RCN1: variants seen among roughly 807,000 people sequenced by gnomAD.
RCN1 encodes reticulocalbin 1, also known as reticulocalbin-1.
RCN1 carries 14 observed loss-of-function variants against 34.7 expected under a neutral mutation model. That is an observed-to-expected ratio of 0.40 (90% CI 0.27 to 0.63). RCN1 has a LOEUF of 0.63. Ranked by LOEUF, RCN1 falls within the 30% of genes least tolerant of loss-of-function variation. The pLI is 0.37. For missense variants in RCN1, 326 were observed against 425.1 expected, an observed-to-expected ratio of 0.77 and a Z score of 2.05; for synonymous variants, 125 against 165.5, an observed-to-expected ratio of 0.76 and a Z score of 1.88.
intron 1 of RCN1, among the ~76,000 whole-genome samples, chr11:32,094,966 G>A (rs1851956175): frequency 6.6e-6 from 1 of 152,194 alleles, no homozygotes; most frequent in African/African-American, 2.4e-5. Flanking sequence ...CCTAATATTT[G>A]TCAGGCTGAG....
chr11:32,092,631 C>A (rs528298399), intron 1 of RCN1, among the ~76,000 whole-genome samples: 1 of 152,284 alleles, frequency 6.6e-6, no homozygotes, highest in Non-Finnish European at 1.5e-5. Flanking sequence ...TGAGGAAACA[C>A]TTGGGCACTG....
intron 5 of RCN1, 149 bp from the exon 6 acceptor site, chr11:32,104,216 C>G (rs1220907346): frequency 3.5e-6 from 2 of 578,372 alleles, no homozygotes; most frequent in Non-Finnish European, 6.1e-6. Context: ...GCAATGCAGT[C>G]ATGGTAGATG....
chr11:32,101,636 T>C (rs1382242869), intron 4 of RCN1, among the ~76,000 whole-genome samples: 1 of 152,204 alleles, frequency 6.6e-6, no homozygotes, highest in Non-Finnish European at 1.5e-5. Flanking sequence ...AGCCAAACAC[T>C]GTTCCTTGTG....
chr11:32,096,357 C>G (rs934808083), intron 1 of RCN1, among the ~76,000 whole-genome samples: 1 of 152,138 alleles, frequency 6.6e-6, no homozygotes, highest in Non-Finnish European at 1.5e-5. Context: ...TCTGGGCTAG[C>G]ATTTAGGGTA....
chr11:32,102,966 A>G (rs1852063291), intron 4 of RCN1: 2 of 493,600 alleles, frequency 4.1e-6, no homozygotes, highest in South Asian at 3.1e-5. Flanking sequence ...TGATCATAAT[A>G]GCCCCATGAT....
chr11:32,098,958 C>T (rs142596226), intron 3 of RCN1, among the ~76,000 whole-genome samples: 15 of 152,140 alleles, frequency 9.9e-5, no homozygotes, highest in African/African-American at 3.1e-4. Context: ...ATCCCCTTCA[C>T]GTATGTTCCA....
At chr11:32,091,870 C>A in intron 1 of RCN1, 1 of 201,198 alleles carries the variant, frequency 5.0e-6, no homozygotes, top group Non-Finnish European at 9.8e-6. Context: ...GGGAGAAGGG[C>A]TTGAGACACT....
intron 1 of RCN1, chr11:32,096,457 G>A (rs188616207): frequency 1.3e-5 from 2 of 152,298 alleles, no homozygotes; most frequent in Non-Finnish European, 2.9e-5. Context: ...GAGGGTTTAA[G>A]GTTCCTAGAG....
At position 32,097,124 on chromosome 11, in the gene RCN1, T is replaced by TTTA; in HGVS notation, c.255-18_255-17insATT. 7.0e-7 allele frequency: 1 copy of TTTA among 1,420,760 alleles called. No homozygotes were observed. The highest frequency in any genetic ancestry group is 2.6e-5 in the East Asian group (1 of 38,408). 88.0% of individuals were successfully genotyped at this position (1,420,760 alleles called of 1,614,324 possible). A position where few individuals can be genotyped will look rare whatever the true frequency, so the allele number is the denominator to read the frequency against. Reference sequence around the variant, plus strand: ...TTGTGCCTGTGTGTGGGTTTCTTTTTTTTTTTTTTTGTACTGCAGGAAGAT... The same window carrying TTTA: ...TTGTGCCTGTGTGTGGGTTTCTTTTTTTATTTTTTTTTTGTACTGCAGGAAGAT... On this transcript the variant is annotated intron_variant, in intron 1 of 5. Transcript: ENST00000054950.
At position 32,098,421 on chromosome 11, in the gene RCN1, A is replaced by T. The variant is rs1851997552; in HGVS notation, c.520A>T (p.Arg174Ter). 1 of 1,614,132 alleles carries T rather than the reference A, an allele frequency of 6.2e-7. No individual in the cohort carries two copies. Among genetic ancestry groups the T allele is most frequent in the South Asian group, 1.1e-5 (1 of 91,076 alleles). The part of the protein sequence containing the change: ...FKKMLPRDER[R>*]FKAADLNGDL... ...AAAGATGCTGCCACGTGATGAGAGAAGATTCAAAGCTGCAGACCTCAATGG... is the reference window on the plus strand; with the variant it reads ...AAAGATGCTGCCACGTGATGAGAGATGATTCAAAGCTGCAGACCTCAATGG... The change falls in exon 3 of 6, where the codon AGA becomes TGA. Residue 174 changes from arginine (R) to a stop codon, truncating the protein, a stop_gained. Coordinates refer to ENST00000054950, the MANE Select transcript of RCN1 (RefSeq NM_002901.4). LOFTEE classifies it high-confidence loss of function.
At chr11:32,092,415 C>T (rs775005758) in intron 1 of RCN1, among the ~76,000 whole-genome samples, 22 of 152,144 alleles carry the variant, frequency 1.4e-4, no homozygotes, top group Non-Finnish European at 2.4e-4. Flanking sequence ...GGAATGGAAA[C>T]GGTTCGCCTG....
intron 4 of RCN1, chr11:32,102,434 C>T (rs956251258): frequency 6.6e-6 from 1 of 152,306 alleles, no homozygotes; most frequent in Non-Finnish European, 1.5e-5. Context: ...CTTCATTCAC[C>T]ACCTGACATT....
chr11:32,103,951 A>T (rs1852078241), intron 5 of RCN1, among the ~76,000 whole-genome samples: 1 of 152,214 alleles, frequency 6.6e-6, no homozygotes, highest in Non-Finnish European at 1.5e-5. Context: ...ACATCCAAAT[A>T]AACAAATCAA....
At chr11:32,093,091 G>T (rs908133166) in intron 1 of RCN1, among the ~76,000 whole-genome samples, 5 of 152,180 alleles carry the variant, frequency 3.3e-5, no homozygotes, top group African/African-American at 1.2e-4. Flanking sequence ...CTGAGTGGCA[G>T]CCACATTGTC....
At position 32,091,087 on chromosome 11, in the gene RCN1, G is replaced by A. The variant is rs1401822915; in HGVS notation, c.-110G>A. 4.0e-6 allele frequency: 5 copies of A among 1,256,350 alleles called. No homozygotes were observed. Among genetic ancestry groups the A allele is most frequent in the East Asian group, 6.3e-5 (2 of 31,544 alleles). The allele number at this position is 1,256,350 out of a possible 1,614,324, so 77.8% of individuals were successfully genotyped here. On this transcript the variant is annotated 5_prime_UTR_variant, in exon 1 of 6. Transcript: ENST00000054950. ...GAGGGACTGGCCAGTCCCCTCCTCC[G>A]CGCCGGCCCCAACCCTGTCGCTGCC... is the stretch of plus-strand genomic sequence containing the variant.
chr11:32,102,771 TA>T, intron 4 of RCN1: 1 of 324,448 alleles, frequency 3.1e-6, no homozygotes. Flanking sequence ...TTTTCATCTG[TA>T]AAATGGGAAT....
At position 32,091,088 on chromosome 11, in the gene RCN1, C is replaced by T; in HGVS notation, c.-109C>T. The T allele has an allele frequency of 7.9e-7, 1 of 1,271,320 alleles. No homozygotes were observed. The highest frequency in any genetic ancestry group is 1.0e-6 in the Non-Finnish European group (1 of 985,842). 78.8% of individuals were successfully genotyped at this position (1,271,320 alleles called of 1,614,324 possible). ...AGGGACTGGCCAGTCCCCTCCTCCGCGCCGGCCCCAACCCTGTCGCTGCCG... is the reference window on the plus strand; with the variant it reads ...AGGGACTGGCCAGTCCCCTCCTCCGTGCCGGCCCCAACCCTGTCGCTGCCG... On this transcript the variant is annotated 5_prime_UTR_variant, in exon 1 of 6. Transcript: ENST00000054950.
At chr11:32,096,904 C>A in intron 1 of RCN1, 1 of 447,258 alleles carries the variant, frequency 2.2e-6, no homozygotes, top group East Asian at 3.6e-5. Context: ...GACAGAGGGG[C>A]ACGATCCATT....
rs1432392848 is a variant in RCN1, at chr11:32,104,552, C to T, written c.*80C>T. 2 of 837,336 alleles carry T rather than the reference C, an allele frequency of 2.4e-6. No individual in the cohort carries two copies. The highest frequency in any genetic ancestry group is 5.4e-5 in the East Asian group (2 of 37,208). The allele number at this position is 837,336 out of a possible 1,614,324, so 51.9% of individuals were successfully genotyped here. On this transcript the variant is annotated 3_prime_UTR_variant, in exon 6 of 6. Transcript: ENST00000054950. Reference sequence around the variant, plus strand: ...ATTGTTGCTACAATTGTCTAATTTACAGCAGTTGTGATCCCACAAAAAGCA... The same window carrying T: ...ATTGTTGCTACAATTGTCTAATTTATAGCAGTTGTGATCCCACAAAAAGCA...
Sources: gnomAD v4.1 joint callset for allele counts (sites outside exome capture counted in the v4.1 genomes callset) on GRCh38, gnomAD v4.1.1 for gene constraint, MANE v1.5 for transcripts, NCBI Gene and HGNC (gene_info 2026-07-23, HGNC 2026-07-21) for gene names.